CDC5L: variants seen among roughly 807,000 people sequenced by gnomAD.
CDC5L encodes the protein cell division cycle 5-like protein.
A neutral mutation model predicts 104.1 loss-of-function variants in CDC5L; 18 were observed. The ratio of observed to expected loss-of-function variants is 0.17; its 90% CI spans 0.12 to 0.26. The LOEUF is 0.26. Ranked by LOEUF, CDC5L falls within the 10% of genes least tolerant of loss-of-function variation. The pLI is 1.00. For missense variants in CDC5L, 673 were observed against 956.9 expected, an observed-to-expected ratio of 0.70 and a Z score of 3.91; for synonymous variants, 331 against 322.7, an observed-to-expected ratio of 1.03 and a Z score of -0.28.
At chr6:44,399,915 T>G (rs1230134400) in intron 5 of CDC5L, among the ~76,000 whole-genome samples, 2 of 152,126 alleles carry the variant, frequency 1.3e-5, no homozygotes, top group Non-Finnish European at 2.9e-5. Flanking sequence ...CCTTCCAAAG[T>G]GCTGGGATTA....
chr6:44,409,240 T>TA (rs1209370843), intron 8 of CDC5L, among the ~76,000 whole-genome samples: 1 of 152,246 alleles, frequency 6.6e-6, no homozygotes, highest in South Asian at 2.1e-4. Context: ...AGGTGCCTGT[T>TA]ACAACTCTTT....
At chr6:44,397,836 T>C (rs1184438442) in intron 5 of CDC5L, among the ~76,000 whole-genome samples, 2 of 152,216 alleles carry the variant, frequency 1.3e-5, no homozygotes, top group Non-Finnish European at 2.9e-5. Flanking sequence ...TTCTTCACTT[T>C]CCCCTTTTTT....
At chr6:44,412,809 G>A (rs1450685750) in intron 8 of CDC5L, among the ~76,000 whole-genome samples, 3 of 119,624 alleles carry the variant, frequency 2.5e-5, no homozygotes, top group Non-Finnish European at 5.0e-5. Context: ...TTGAGACGGA[G>A]TCTCGCTCTG....
chr6:44,398,622 A>G (rs1460196640), intron 5 of CDC5L, among the ~76,000 whole-genome samples: 1 of 152,220 alleles, frequency 6.6e-6, no homozygotes, highest in African/African-American at 2.4e-5. Flanking sequence ...TAAAAGTAAC[A>G]CATTTTTCCT....
intron 14 of CDC5L, among the ~76,000 whole-genome samples, chr6:44,436,992 T>G (rs1792969472): frequency 1.3e-5 from 2 of 152,230 alleles, no homozygotes; most frequent in South Asian, 4.1e-4. Context: ...TAAAGCACAG[T>G]GTGGTGGCTT....
chr6:44,445,857 G>C lies in CDC5L; in HGVS notation c.2294G>C (p.Arg765Pro). Residue 765 changes from arginine to proline, a missense_variant, in exon 15 of 16, where the codon CGG becomes CCG. Around this residue, in one of 4 missense-constraint regions of CDC5L, gnomAD observed 578 missense variants for 737.0 expected, o/e 0.78. Transcript: ENST00000371477. ...AAACATGAAGATTCTGCTATTCCCCGGAGGCTAGAGGTAACGTTATATATT... is the reference window on the plus strand; with the variant it reads ...AAACATGAAGATTCTGCTATTCCCCCGAGGCTAGAGGTAACGTTATATATT... ...LKKHEDSAIP[R>P]RLECLKEDVQ... is the part of the protein sequence containing the mutation. The C allele has an allele frequency of 6.2e-7, 1 of 1,611,522 alleles. No individual in the cohort carries two copies. The highest frequency in any genetic ancestry group is 1.3e-5 in the African/African-American group (1 of 74,962).
rs1163981280 is a variant in CDC5L, at chr6:44,449,205, A to G, written c.*2494A>G. The G allele has an allele frequency of 1.3e-5, 2 of 152,234 alleles. No homozygotes were observed. The highest frequency in any genetic ancestry group is 4.8e-5 in the African/African-American group (2 of 41,458). The allele number at this position is 152,234 out of a possible 1,614,324, so 9.4% of individuals were successfully genotyped here. On this transcript the variant is annotated 3_prime_UTR_variant, in exon 16 of 16. Transcript: ENST00000371477. ...CTAAAAAAATCGGCAGGAATTACAA[A>G]ATTTCAAAACTGGCACATTGTAAAC...
At chr6:44,391,581 C>T (rs893103732) in intron 2 of CDC5L, among the ~76,000 whole-genome samples, 5 of 152,060 alleles carry the variant, frequency 3.3e-5, no homozygotes, top group Non-Finnish European at 5.9e-5. Context: ...GTAGTGGACA[C>T]GTGAAGCTAT....
chr6:44,433,919 G>T (rs970037720), intron 14 of CDC5L, among the ~76,000 whole-genome samples: 2 of 152,160 alleles, frequency 1.3e-5, no homozygotes, highest in African/African-American at 4.8e-5. Flanking sequence ...CAAGGATTTA[G>T]TTAGTAGACA....
rs1001211079 is a variant in CDC5L, at chr6:44,396,512, A to G, written c.539+72A>G. The G allele has an allele frequency of 6.6e-6, 6 of 912,374 alleles. No homozygotes were observed. In the African/African-American group the frequency reaches 1.0e-4, roughly 16 times the overall value. The allele number at this position is 912,374 out of a possible 1,614,324, so 56.5% of individuals were successfully genotyped here. A position where few individuals can be genotyped will look rare whatever the true frequency, so the allele number is the denominator to read the frequency against. ...ACAATCAACACAGAATACTTCTGTGACCAGATATGTGGTTTTTTTTTTTTT... is the reference window on the plus strand; with the variant it reads ...ACAATCAACACAGAATACTTCTGTGGCCAGATATGTGGTTTTTTTTTTTTT... On this transcript the variant is annotated intron_variant, in intron 5 of 15. Coordinates refer to ENST00000371477, the MANE Select transcript of CDC5L (RefSeq NM_001253.4).
intron 14 of CDC5L, among the ~76,000 whole-genome samples, chr6:44,437,652 T>C (rs891427219): frequency 5.3e-5 from 8 of 152,298 alleles, no homozygotes; most frequent in South Asian, 2.1e-4. Flanking sequence ...AATGACTCCA[T>C]TGGATGAGGT....
At chr6:44,404,152 A>G (rs893834464) in intron 6 of CDC5L, 125 bp downstream of exon 6, 13 of 567,174 alleles carry the variant, frequency 2.3e-5, no homozygotes, top group South Asian at 1.5e-4. Context: ...TTTAAAATCA[A>G]TTTTTTTTTT....
At chr6:44,408,747 TG>T (rs2153378075) in intron 8 of CDC5L, 115 bp downstream of exon 8, 1 of 658,736 alleles carries the variant, frequency 1.5e-6, no homozygotes, top group East Asian at 2.8e-5. Flanking sequence ...GGTTTGAAAC[TG>T]AGTCCTGAAT....
At position 44,426,467 on chromosome 6, in the gene CDC5L, G is replaced by C. The variant is rs1792429146; in HGVS notation, c.1651-15G>C. ...AGTGATATGTTTGGTAATTGTATTT[G>C]TTTTAAAATTTTAGGTAAATGAAAC... is the stretch of plus-strand genomic sequence containing the variant. On this transcript the variant is annotated splice_polypyrimidine_tract_variant and intron_variant, in intron 12 of 15. Transcript: ENST00000371477. The C allele has an allele frequency of 7.5e-7, 1 of 1,329,202 alleles. No individual in the cohort carries two copies. The highest frequency in any genetic ancestry group is 1.5e-5 in the African/African-American group (1 of 68,112). 82.3% of individuals were successfully genotyped at this position (1,329,202 alleles called of 1,614,324 possible). A position where few individuals can be genotyped will look rare whatever the true frequency, so the allele number is the denominator to read the frequency against.
At chr6:44,390,055 T>C (rs553642117) in intron 1 of CDC5L, among the ~76,000 whole-genome samples, 1 of 152,330 alleles carries the variant, frequency 6.6e-6, no homozygotes, top group East Asian at 1.9e-4. Context: ...GGTGGGTAGC[T>C]GTCTTTCTAA....
intron 14 of CDC5L, among the ~76,000 whole-genome samples, chr6:44,431,879 G>A (rs1418166283): frequency 2.0e-5 from 3 of 152,172 alleles, no homozygotes; most frequent in South Asian, 4.1e-4. Flanking sequence ...GAAATCTTCC[G>A]TTGAACTATT....
At chr6:44,406,493 A>G in intron 7 of CDC5L, 26 bp downstream of exon 7, 1 of 1,589,256 alleles carries the variant, frequency 6.3e-7, no homozygotes. Context: ...CAAATTTTTC[A>G]CTATGTGAAT....
chr6:44,419,457 G>C lies in CDC5L; in HGVS notation c.1101G>C (p.Gln367His). 3.1e-6 allele frequency: 5 copies of C among 1,613,846 alleles called. No individual in the cohort carries two copies. Among genetic ancestry groups the C allele is most frequent in the Non-Finnish European group, 4.2e-6 (5 of 1,179,946 alleles). Residue 367 changes from glutamine to histidine, a missense_variant, in exon 9 of 16, where the codon CAG becomes CAC. This residue lies in a region of CDC5L where 578 missense variants were observed against 737.0 expected (regional missense o/e 0.78). Transcript: ENST00000371477. Reference protein sequence around the residue: ...ASQDRILQEAQNLMALTNVDT... With the variant: ...ASQDRILQEAHNLMALTNVDT... The stretch of plus-strand genomic sequence containing the variant: ...GTCTTCTTGTTAATCAGGAAGCCCA[G>C]AACCTCATGGCCCTCACCAATGTGG...
chr6:44,401,702 G>A (rs1053240370), intron 5 of CDC5L, among the ~76,000 whole-genome samples: 2 of 151,294 alleles, frequency 1.3e-5, no homozygotes, highest in Non-Finnish European at 1.5e-5. Flanking sequence ...TGTGCACAAT[G>A]TGCAGGTTAG....
Sources: gnomAD v4.1 joint callset for allele counts (sites outside exome capture counted in the v4.1 genomes callset) on GRCh38, gnomAD v4.1.1 for gene constraint, gnomAD v4.1.1 regional missense constraint, MANE v1.5 for transcripts, NCBI Gene and HGNC (gene_info 2026-07-23, HGNC 2026-07-21) for gene names.